Variants in GSE1 observed in about 807,000 individuals in gnomAD.
GSE1 encodes genetic suppressor element 1.
GSE1 carries 32 observed loss-of-function variants against 112.6 expected under a neutral mutation model. The observed-to-expected ratio is 0.28, with a 90% CI of 0.21 to 0.38. The LOEUF is 0.38. GSE1 is among the 10% of genes least tolerant of loss of function. The pLI is 1.00. For synonymous variants in GSE1, 1,115 were observed against 735.6 expected (o/e 1.52, Z -8.35); for missense variants, 2,348 against 1,699.2 (o/e 1.38, Z -6.71).
In GSE1 at chr16:85,287,368, C is replaced by T. The variant is rs549886061; in HGVS notation, c.2284-70095C>T. Reference sequence around the variant, plus strand: ...CCAGCCACCCCAGGGTTTTGTGGGACCTCATGGGAGACCTCAAAGTGAAAC... The same window carrying T: ...CCAGCCACCCCAGGGTTTTGTGGGATCTCATGGGAGACCTCAAAGTGAAAC... On this transcript the variant is annotated intron_variant, in intron 1 of 2. Coordinates refer to the GSE1 transcript ENST00000637419. Among the ~76,000 whole-genome samples, 633 of 152,236 alleles carry T rather than the reference C, an allele frequency of 4.2e-3. 2 individuals carry two copies. Among genetic ancestry groups the T allele is most frequent in the Admixed American group, 4.7e-3 (72 of 15,290 alleles).
intron 1 of GSE1, among the ~76,000 whole-genome samples, chr16:85,343,206 T>C (rs2046661373): frequency 3.9e-5 from 6 of 152,202 alleles, no homozygotes; most frequent in Admixed American, 3.9e-4. Context: ...CAGGGCAACC[T>C]GGGTGCATCT....
rs145662817 is a variant in GSE1, at chr16:85,628,351, G to A, written c.8-5563G>A. ...CGGGGCAGGGATGCTGCCCGCAGGGGACCCCCAGGGACCCAGGGAGACTGT... is the reference window on the plus strand; with the variant it reads ...CGGGGCAGGGATGCTGCCCGCAGGGAACCCCCAGGGACCCAGGGAGACTGT... On this transcript the variant is annotated intron_variant, in intron 1 of 15. Transcript: ENST00000253458. Among the ~76,000 whole-genome samples the A allele has an allele frequency of 3.1e-3, 471 of 152,356 alleles. 2 individuals carry two copies. The highest frequency in any genetic ancestry group is 5.4e-3 in the Non-Finnish European group (369 of 68,018).
chr16:85,351,951 C>T (rs1333174043), intron 1 of GSE1, among the ~76,000 whole-genome samples: 2 of 152,160 alleles, frequency 1.3e-5, no homozygotes, highest in African/African-American at 2.4e-5. Flanking sequence ...GATCGCACCA[C>T]TGCACTCCAG....
intron 1 of GSE1, among the ~76,000 whole-genome samples, chr16:85,579,788 T>C (rs932123670): frequency 1.3e-5 from 2 of 152,220 alleles, no homozygotes; most frequent in Non-Finnish European, 1.5e-5. Flanking sequence ...AGGTTAGAAC[T>C]AGCCCTGAAA....
At chr16:85,613,250 CG>C, upstream of GSE1, 1 of 1,522,130 alleles carries the variant, frequency 6.6e-7, no homozygotes, top group Non-Finnish European at 8.8e-7. Flanking sequence ...GTTTCTTGGC[CG>C]GGGCCCCGGA....
At chr16:85,212,543 G>A (rs2075244011) in intron 1 of GSE1, among the ~76,000 whole-genome samples, 1 of 152,178 alleles carries the variant, frequency 6.6e-6, no homozygotes, top group African/African-American at 2.4e-5. Flanking sequence ...TAAGGACATG[G>A]GGAAGACAGC....
intron 2 of GSE1, among the ~76,000 whole-genome samples, chr16:85,506,491 C>T (rs376611578): frequency 3.3e-5 from 5 of 151,990 alleles, no homozygotes; most frequent in East Asian, 1.9e-4. Flanking sequence ...GCAAGACAAG[C>T]GAAGAAGGAG....
Position 85,462,227 on chromosome 16 carries a change from C to G in GSE1, c.2464+104584C>G, listed in dbSNP as rs527337545. Among the ~76,000 whole-genome samples the G allele has an allele frequency of 2.6e-5, 4 of 152,270 alleles. No homozygotes were observed. The East Asian group carries it at 7.8e-4, about 30-fold the overall frequency. ...CTGCAGTCTCCTCCTGGGGGATGGG[C>G]TCAGCTCCTTAAAGCCCTAGGTCAG... On this transcript the variant is annotated intron_variant, in intron 2 of 2. Transcript: ENST00000637419.
At chr16:85,197,512 C>G (rs886723690) in intron 1 of GSE1, among the ~76,000 whole-genome samples, 1 of 152,224 alleles carries the variant, frequency 6.6e-6, no homozygotes, top group African/African-American at 2.4e-5. Context: ...TTATCTCAGC[C>G]TAGGGCCTAA....
chr16:85,665,094 C>G lies in GSE1; in HGVS notation c.2724C>G (p.Asn908Lys), dbSNP rs1186522760. The G allele has an allele frequency of 1.2e-6, 2 of 1,610,772 alleles. No homozygotes were observed. Among genetic ancestry groups the G allele is most frequent in the Non-Finnish European group, 1.7e-6 (2 of 1,177,358 alleles). Reference sequence around the variant, plus strand: ...CAGCAGTGGCCGACTCCTTGACAAACTCTCCGAGGGACAGTCCTGCCGTCT... The same window carrying G: ...CAGCAGTGGCCGACTCCTTGACAAAGTCTCCGAGGGACAGTCCTGCCGTCT... Reference protein sequence around the residue: ...LSAAVADSLTNSPRDSPAVSL... With the variant: ...LSAAVADSLTKSPRDSPAVSL... The change falls in exon 12 of 16, where the codon AAC becomes AAG. Residue 908 changes from asparagine to lysine, a missense_variant. Physicochemically the swap from Asn to Lys is moderately conservative, Grantham distance 94 (BLOSUM62 0). Coordinates refer to ENST00000253458, the MANE Select transcript of GSE1 (RefSeq NM_014615.5).
chr16:85,335,256 A>C (rs2046458570), intron 1 of GSE1, among the ~76,000 whole-genome samples: 1 of 152,164 alleles, frequency 6.6e-6, no homozygotes, highest in Non-Finnish European at 1.5e-5. Context: ...AGCGGCCCTG[A>C]GTAGTTTTCG....
chr16:85,644,360 AG>A (rs1270708945), intron 2 of GSE1, among the ~76,000 whole-genome samples: 11 of 150,700 alleles, frequency 7.3e-5, no homozygotes, highest in Middle Eastern at 7.0e-3. Flanking sequence ...AAAAAAAAAA[AG>A]AGTGTTGGGC....
chr16:85,182,045 A>C (rs2074597471), intron 1 of GSE1, among the ~76,000 whole-genome samples: 1 of 152,206 alleles, frequency 6.6e-6, no homozygotes. Context: ...AACGTCCAGA[A>C]TGTGGCTTCG....
chr16:85,537,942 G>A (rs1051062996), intron 2 of GSE1, among the ~76,000 whole-genome samples: 10 of 152,194 alleles, frequency 6.6e-5, no homozygotes, highest in African/African-American at 1.7e-4. Flanking sequence ...GGAGGCGAGC[G>A]TGGCTGGAGC....
At chr16:85,471,544 G>A (rs1451617529) in intron 2 of GSE1, among the ~76,000 whole-genome samples, 2 of 151,952 alleles carry the variant, frequency 1.3e-5, no homozygotes, top group African/African-American at 4.8e-5. Flanking sequence ...TCCCAGAGTA[G>A]CTGGGACTAC....
chr16:85,628,419 T>C (rs974882695), intron 1 of GSE1, among the ~76,000 whole-genome samples: 13 of 152,228 alleles, frequency 8.5e-5, no homozygotes, highest in Non-Finnish European at 1.3e-4. Context: ...GGAGCAGATA[T>C]TGGGCTTTGT....
chr16:85,334,414 C>A (rs2046439566), intron 1 of GSE1, among the ~76,000 whole-genome samples: 1 of 152,226 alleles, frequency 6.6e-6, no homozygotes, highest in Non-Finnish European at 1.5e-5. Context: ...CATCCTGTTG[C>A]CAAGGTCCCG....
intron 2 of GSE1, among the ~76,000 whole-genome samples, chr16:85,485,171 C>A (rs889064456): frequency 6.6e-6 from 1 of 152,256 alleles, no homozygotes; most frequent in Non-Finnish European, 1.5e-5. Context: ...CACCACACCT[C>A]CCAAGGAAGT....
intron 2 of GSE1, among the ~76,000 whole-genome samples, chr16:85,422,106 T>G (rs8046255): frequency 0.29 from 44,771 of 152,068 alleles, 6,740 homozygotes; most frequent in Middle Eastern, 0.35. Context: ...CAGGCCATCA[T>G]CGAACCCCCA....
Sources: gnomAD v4.1 joint callset for allele counts (sites outside exome capture counted in the v4.1 genomes callset) on GRCh38, gnomAD v4.1.1 for gene constraint, MANE v1.5 for transcripts, NCBI Gene and HGNC (gene_info 2026-07-23, HGNC 2026-07-21) for gene names.